Variants in SHC2 observed in about 807,000 individuals in gnomAD.
The protein encoded by SHC2 is SHC adaptor protein 2.
Under a neutral mutation model 60.6 loss-of-function variants are expected in SHC2, and 62 were observed. The observed-to-expected ratio is 1.02, with a 90% CI of 0.83 to 1.26. SHC2 has a LOEUF of 1.26. Among genes scored for constraint, SHC2 ranks in the 50% most tolerant of loss-of-function variants. The pLI, the probability that SHC2 is intolerant of heterozygous loss-of-function variation, is 0.00. For synonymous variants in SHC2, 375 were observed against 372.4 expected (o/e 1.01, Z -0.08); for missense variants, 873 against 822.2 (o/e 1.06, Z -0.76).
rs1747120774 is a variant in SHC2, at chr19:441,305, G to A, written c.469-373C>T. 3.3e-6 allele frequency: 1 copy of A among 298,578 alleles called. No homozygotes were observed. The highest frequency in any genetic ancestry group is 4.9e-6 in the Non-Finnish European group (1 of 203,192). 18.5% of individuals were successfully genotyped at this position (298,578 alleles called of 1,614,324 possible). A position where few individuals can be genotyped will look rare whatever the true frequency, so the allele number is the denominator to read the frequency against. ...TCCTGAGCACTTCCCTATCTCCAGC[G>A]CCCAGTTCAGGGTCTGGCAAACAGT... On this transcript the variant is annotated intron_variant, in intron 1 of 12. Coordinates refer to ENST00000264554, the MANE Select transcript of SHC2 (RefSeq NM_012435.3). This position sits in a 1 kb window ranked among gnomAD's most constrained non-coding sequence, Gnocchi z 4.9.
In SHC2 at chr19:422,794, T is replaced by G; in HGVS notation, c.1310-338A>C. 4 of 223,410 alleles carry G rather than the reference T, an allele frequency of 1.8e-5. No homozygotes were observed. The highest frequency in any genetic ancestry group is 2.6e-5 in the Non-Finnish European group (3 of 114,262). The allele number at this position is 223,410 out of a possible 1,614,324, so 13.8% of individuals were successfully genotyped here. On this transcript the variant is annotated intron_variant, in intron 10 of 12. Coordinates refer to ENST00000264554, the MANE Select transcript of SHC2 (RefSeq NM_012435.3). The surrounding 1 kb of genome is among the most constrained non-coding windows in gnomAD (Gnocchi z 5.0). ...CCTTCCCAAAGCGTACGCCTCTCGT[T>G]TCCTTGTCTGGTCTTACTGCATTGG...
In SHC2 at chr19:422,576, G is replaced by A; in HGVS notation, c.1310-120C>T. 1.2e-6 allele frequency: 1 copy of A among 812,106 alleles called. No homozygotes were observed. The highest frequency in any genetic ancestry group is 1.9e-6 in the Non-Finnish European group (1 of 526,254). 50.3% of individuals were successfully genotyped at this position (812,106 alleles called of 1,614,324 possible). A position where few individuals can be genotyped will look rare whatever the true frequency, so the allele number is the denominator to read the frequency against. ...CCTCGTGCACCCGTCGGCCTGCGCT[G>A]ACCGAGCGCCCACAGCGTATCAGAC... On this transcript the variant is annotated intron_variant, in intron 10 of 12. Coordinates refer to ENST00000264554, the MANE Select transcript of SHC2 (RefSeq NM_012435.3). This position sits in a 1 kb window ranked among gnomAD's most constrained non-coding sequence, Gnocchi z 5.0.
At chr19:459,342 ACCC>A in intron 1 of SHC2, among the ~76,000 whole-genome samples, 6 of 128,254 alleles carry the variant, frequency 4.7e-5, no homozygotes, top group African/African-American at 2.0e-4. Flanking sequence ...AGGGGGAAGG[ACCC>A]CACTGAAGCC....
chr19:442,171 G>A (rs749756710), intron 1 of SHC2, among the ~76,000 whole-genome samples: 53 of 152,148 alleles, frequency 3.5e-4, no homozygotes, highest in South Asian at 1.0e-3. Context: ...CATGATGGGT[G>A]GATGGACTGA....
At position 441,000 on chromosome 19, in the gene SHC2, G is replaced by T; in HGVS notation, c.469-68C>A. 6.4e-7 allele frequency: 1 copy of T among 1,552,264 alleles called. No individual in the cohort carries two copies. Among genetic ancestry groups the T allele is most frequent in the Non-Finnish European group, 8.9e-7 (1 of 1,126,628 alleles). On this transcript the variant is annotated intron_variant, in intron 1 of 12. Coordinates refer to ENST00000264554, the MANE Select transcript of SHC2 (RefSeq NM_012435.3). This position sits in a 1 kb window ranked among gnomAD's most constrained non-coding sequence, Gnocchi z 7.0. ...CAGTGGAGCCACGTCCCTTTTCCCA[G>T]CAGCCCTTCGCCGCCTCCACCACCC... is the stretch of plus-strand genomic sequence containing the variant.
intron 12 of SHC2, among the ~76,000 whole-genome samples, chr19:418,677 G>A (rs751539706): frequency 1.4e-4 from 21 of 152,326 alleles, no homozygotes; most frequent in African/African-American, 3.6e-4. Context: ...GACAGGAGGC[G>A]GATGTGTGGG....
rs535125622 is a variant in SHC2, at chr19:440,316, T to C, written c.539+546A>G. Among the ~76,000 whole-genome samples, 19 of 152,272 alleles carry C rather than the reference T, an allele frequency of 1.2e-4. No individual in the cohort carries two copies. The East Asian group carries it at 3.7e-3, about 29-fold the overall frequency. On this transcript the variant is annotated intron_variant, in intron 2 of 12. Coordinates refer to ENST00000264554, the MANE Select transcript of SHC2 (RefSeq NM_012435.3). The surrounding 1 kb of genome is among the most constrained non-coding windows in gnomAD (Gnocchi z 7.0). ...TGATCGTGTGACTCTGTGAAGAGCCTAAAGTCTCAAACTGTACATTATATC... is the reference window on the plus strand; with the variant it reads ...TGATCGTGTGACTCTGTGAAGAGCCCAAAGTCTCAAACTGTACATTATATC...
chr19:418,981 C>T lies in SHC2; in HGVS notation c.1696G>A (p.Val566Met), dbSNP rs376615913. 46 of 1,585,464 alleles carry T rather than the reference C, an allele frequency of 2.9e-5. No homozygotes were observed. The highest frequency in any genetic ancestry group is 1.7e-4 in the Middle Eastern group (1 of 5,974). ...DHHLQNGQPI[V>M]AAESELHLRG... Reference sequence around the variant, plus strand: ...AGGTGCAGCTCACTCTCGGCGGCCACGATGGGCTGCCCGTTCTGCAGGTGG... The same window carrying T: ...AGGTGCAGCTCACTCTCGGCGGCCATGATGGGCTGCCCGTTCTGCAGGTGG... Residue 566 changes from valine (V) to methionine (M), a missense_variant, in exon 12 of 13, where the codon GTG becomes ATG. Val to Met is a conservative substitution (Grantham distance 21). Coordinates refer to ENST00000264554, the MANE Select transcript of SHC2 (RefSeq NM_012435.3).
rs80233174 is a variant in SHC2 at position 419,530 on chromosome 19, C to T, written c.1621-474G>A. ...GTGTGTCCACGAGGCTGGCAGCACC[C>T]GGGAGCCCGGCCACCAGCGGGCGCC... is the stretch of plus-strand genomic sequence containing the variant. On this transcript the variant is annotated intron_variant, in intron 11 of 12. Transcript: ENST00000264554. 1.8e-3 allele frequency: 273 copies of T among 152,754 alleles called. 1 individual carries two copies. Among genetic ancestry groups the T allele is most frequent in the South Asian group, 3.7e-3 (18 of 4,834 alleles). The allele number at this position is 152,754 out of a possible 1,614,324, so 9.5% of individuals were successfully genotyped here.
At chr19:423,716 A>G (rs1474743188) in intron 10 of SHC2, among the ~76,000 whole-genome samples, 1 of 152,234 alleles carries the variant, frequency 6.6e-6, no homozygotes, top group East Asian at 1.9e-4. Flanking sequence ...TCCAACTCCT[A>G]GCCTGGCCAG....
Position 424,749 on chromosome 19 carries a change from A to G in SHC2, c.1309+348T>C, listed in dbSNP as rs560801931. Among the ~76,000 whole-genome samples the G allele has an allele frequency of 1.6e-3, 242 of 152,182 alleles. No individual in the cohort carries two copies. The highest frequency in any genetic ancestry group is 3.4e-3 in the Middle Eastern group (1 of 294). On this transcript the variant is annotated intron_variant, in intron 10 of 12. Coordinates refer to ENST00000264554, the MANE Select transcript of SHC2 (RefSeq NM_012435.3). The surrounding 1 kb of genome is among the most constrained non-coding windows in gnomAD (Gnocchi z 4.5). ...AGAGCGGGGGCCAGCGGCATTCCCA[A>G]CCAGACTGGGGGTTCAGCAGGGAGG...
At position 430,665 on chromosome 19, in the gene SHC2, C is replaced by G. The variant is rs1328399623; in HGVS notation, c.1174+19G>C. Reference sequence around the variant, plus strand: ...CCAGAATCCTCGTGGGTACCCCTTGCAGCCCCAGCCCATCCTACCTGTACC... The same window carrying G: ...CCAGAATCCTCGTGGGTACCCCTTGGAGCCCCAGCCCATCCTACCTGTACC... On this transcript the variant is annotated intron_variant, in intron 9 of 12. Coordinates refer to ENST00000264554, the MANE Select transcript of SHC2 (RefSeq NM_012435.3). 1.9e-6 allele frequency: 3 copies of G among 1,609,800 alleles called. No homozygotes were observed. Among genetic ancestry groups the G allele is most frequent in the Admixed American group, 1.7e-5 (1 of 59,768 alleles).
rs1974373465 is a variant in SHC2, at chr19:424,993, C to G, written c.1309+104G>C. On this transcript the variant is annotated intron_variant, in intron 10 of 12. Coordinates refer to ENST00000264554, the MANE Select transcript of SHC2 (RefSeq NM_012435.3). This position sits in a 1 kb window ranked among gnomAD's most constrained non-coding sequence, Gnocchi z 4.5. Reference sequence around the variant, plus strand: ...CTCACGGGGAGAAGGGAGCCTCCCCCATCAGACCAGGGAATCCCGTAGGGA... The same window carrying G: ...CTCACGGGGAGAAGGGAGCCTCCCCGATCAGACCAGGGAATCCCGTAGGGA... 1 of 1,218,578 alleles carries G rather than the reference C, an allele frequency of 8.2e-7. No individual in the cohort carries two copies. Among genetic ancestry groups the G allele is most frequent in the Non-Finnish European group, 1.1e-6 (1 of 934,412 alleles). 75.5% of individuals were successfully genotyped at this position (1,218,578 alleles called of 1,614,324 possible). A position where few individuals can be genotyped will look rare whatever the true frequency, so the allele number is the denominator to read the frequency against.
rs981283703 is a variant in SHC2 at position 425,228 on chromosome 19, G to T, written c.1178C>A (p.Pro393Gln). The stretch of plus-strand genomic sequence containing the variant: ...CGCCTGCACGTAGCCGTCCCCCGGT[G>T]GAGCTGGGGAGTGTAAAGAGGGGCA... The part of the protein sequence containing the change: ...PWDVGSTGTA[P>Q]PGDGYVQADA... The change falls in exon 10 of 13, where the codon CCA (proline) becomes CAA (glutamine). Residue 393 changes from proline (P) to glutamine (Q), a missense_variant. Transcript: ENST00000264554. The surrounding 1 kb of genome is among the most constrained non-coding windows in gnomAD (Gnocchi z 4.1). 9 of 1,330,532 alleles carry T rather than the reference G, an allele frequency of 6.8e-6. No individual in the cohort carries two copies. In the Admixed American group the frequency reaches 2.4e-4, roughly 36 times the overall value. 82.4% of individuals were successfully genotyped at this position (1,330,532 alleles called of 1,614,324 possible). A position where few individuals can be genotyped will look rare whatever the true frequency, so the allele number is the denominator to read the frequency against.
chr19:426,146 C>A (rs1484772412), intron 9 of SHC2, among the ~76,000 whole-genome samples: 2 of 152,122 alleles, frequency 1.3e-5, no homozygotes, highest in Admixed American at 6.5e-5. Flanking sequence ...CAGGTCCTGA[C>A]CAGACTGCCT....
chr19:423,131 G>A (rs976772526), intron 10 of SHC2, among the ~76,000 whole-genome samples: 2 of 148,680 alleles, frequency 1.3e-5, no homozygotes, highest in Admixed American at 6.7e-5. Flanking sequence ...GGGTCCTCCC[G>A]CCCTGACCCT....
chr19:454,442 C>T (rs143590043), intron 1 of SHC2, among the ~76,000 whole-genome samples: 17 of 152,286 alleles, frequency 1.1e-4, no homozygotes, highest in East Asian at 9.6e-4. Context: ...CCCGGGAAGG[C>T]GGTCGGTCTC....
intron 8 of SHC2, among the ~76,000 whole-genome samples, chr19:434,245 T>G (rs1171236710): frequency 3.2e-5 from 2 of 62,188 alleles, no homozygotes; most frequent in Non-Finnish European, 6.8e-5. Flanking sequence ...AGATCCTGAG[T>G]GAGATCATGA....
chr19:447,533 CT>C (rs1279609991), intron 1 of SHC2, among the ~76,000 whole-genome samples: 2 of 152,252 alleles, frequency 1.3e-5, no homozygotes, highest in Non-Finnish European at 2.9e-5. Context: ...AATCCCAGCA[CT>C]TTGGGAGGCC....
Sources: gnomAD v4.1 joint callset for allele counts (sites outside exome capture counted in the v4.1 genomes callset) on GRCh38, gnomAD v4.1.1 for gene constraint, Gnocchi (gnomAD v3.1) non-coding constraint, MANE v1.5 for transcripts, NCBI Gene and HGNC (gene_info 2026-07-23, HGNC 2026-07-21) for gene names.